INTS6: variants seen among roughly 807,000 people sequenced by gnomAD.
INTS6 encodes the protein integrator complex subunit 6.
Under a neutral mutation model 104.9 loss-of-function variants are expected in INTS6, and 16 were observed. The observed-to-expected ratio is 0.15, with a 90% CI of 0.10 to 0.23. The LOEUF (loss-of-function observed/expected upper bound fraction) is 0.23, where lower values mean the gene tolerates loss of function less well. Among genes scored for constraint, INTS6 ranks in the 10% least tolerant of loss-of-function variants. The pLI, the probability that INTS6 is intolerant of heterozygous loss-of-function variation, is 1.00. For synonymous variants in INTS6, 324 were observed against 358.7 expected (o/e 0.90, Z 1.09); for missense variants, 584 against 1,062.8 (o/e 0.55, Z 6.26).
chr13:51,429,920 C>T (rs1207645692), intron 4 of INTS6, among the ~76,000 whole-genome samples: 2 of 151,358 alleles, frequency 1.3e-5, no homozygotes, highest in African/African-American at 2.4e-5. Context: ...TTTCCACAGT[C>T]GCTGGACTGC....
chr13:51,396,145 G>C (rs1200389889), intron 4 of INTS6, among the ~76,000 whole-genome samples: 3 of 151,826 alleles, frequency 2.0e-5, no homozygotes. Flanking sequence ...AAAATGATTT[G>C]GCCTCCTGTG....
the INTS6 span, among the ~76,000 whole-genome samples, chr13:51,343,465 C>T: frequency 6.6e-6 from 1 of 152,176 alleles, no homozygotes; most frequent in Non-Finnish European, 1.5e-5. Context: ...AAAACAAAAT[C>T]CACTATTGAT....
intron 3 of INTS6, chr13:51,445,400 T>C (rs1952891669): frequency 6.6e-6 from 1 of 152,210 alleles, no homozygotes; most frequent in African/African-American, 2.4e-5. Flanking sequence ...CTTTGAAGAT[T>C]TTTATAATTT....
chr13:51,400,676 T>G (rs1189332217), intron 4 of INTS6, among the ~76,000 whole-genome samples: 1 of 152,190 alleles, frequency 6.6e-6, no homozygotes, highest in Non-Finnish European at 1.5e-5. Context: ...TGCAAAATGA[T>G]GCACAGAATA....
intron 4 of INTS6, among the ~76,000 whole-genome samples, chr13:51,414,794 G>C (rs571424531): frequency 1.3e-5 from 2 of 149,622 alleles, no homozygotes; most frequent in African/African-American, 4.9e-5. Context: ...ATTCATTTCC[G>C]TTTCTTCCTT....
chr13:51,379,021 T>C (rs977859613), intron 11 of INTS6, among the ~76,000 whole-genome samples: 1 of 152,000 alleles, frequency 6.6e-6, no homozygotes, highest in Non-Finnish European at 1.5e-5. Flanking sequence ...TTGACTACTA[T>C]AGTATTTATT....
chr13:51,396,603 T>A (rs542880664), intron 4 of INTS6, among the ~76,000 whole-genome samples: 2 of 152,258 alleles, frequency 1.3e-5, no homozygotes, highest in African/African-American at 2.4e-5. Flanking sequence ...CTATAAAGGA[T>A]TCTTACCAAA....
At chr13:51,336,657 G>T in the INTS6 span, among the ~76,000 whole-genome samples, 4 of 152,202 alleles carry the variant, frequency 2.6e-5, no homozygotes, top group Admixed American at 1.3e-4. Flanking sequence ...ATAGTCCAAA[G>T]AAGTTGATGC....
Position 51,452,206 on chromosome 13 carries a change from C to A in INTS6, c.112-151G>T. 2 of 698,220 alleles carry A rather than the reference C, an allele frequency of 2.9e-6. No individual in the cohort carries two copies. The highest frequency in any genetic ancestry group is 2.1e-6 in the Non-Finnish European group (1 of 477,334). 43.3% of individuals were successfully genotyped at this position (698,220 alleles called of 1,614,324 possible). ...CACGCCGTCCCCCACACACAGATCG[C>A]TCCCCACACACCGCCCGGGGCCGGA... On this transcript the variant is annotated intron_variant, in intron 1 of 17. Coordinates refer to ENST00000311234, the MANE Select transcript of INTS6 (RefSeq NM_012141.3). This position sits in a 1 kb window ranked among gnomAD's most constrained non-coding sequence, Gnocchi z 4.2.
downstream of INTS6, among the ~76,000 whole-genome samples, chr13:51,360,479 T>C (rs998795274): frequency 3.3e-5 from 5 of 152,104 alleles, no homozygotes; most frequent in Admixed American, 3.3e-4. Flanking sequence ...TTTCATTTTT[T>C]ACTGTGTCAT....
At chr13:51,444,610 G>T (rs1339351859) in intron 3 of INTS6, 1 of 151,884 alleles carries the variant, frequency 6.6e-6, no homozygotes, top group African/African-American at 2.4e-5. Context: ...TTAGCCGAGG[G>T]TGGTGGCGGG....
the INTS6 span, among the ~76,000 whole-genome samples, chr13:51,340,271 A>AT: frequency 3.3e-5 from 5 of 152,020 alleles, no homozygotes; most frequent in African/African-American, 1.2e-4. Flanking sequence ...CGTTGAAAAC[A>AT]TTTTTTTACT....
At chr13:51,449,920 G>A (rs1479392151) in intron 3 of INTS6, 7 of 984,884 alleles carry the variant, frequency 7.1e-6, no homozygotes, top group Non-Finnish European at 8.4e-6. Flanking sequence ...GAATTTCAGT[G>A]TACATTTTAA....
chr13:51,395,373 T>C lies in INTS6; in HGVS notation c.540A>G (p.Ser180=), dbSNP rs1956316586. The C allele has an allele frequency of 4.3e-6, 7 of 1,614,036 alleles. No individual in the cohort carries two copies. The highest frequency in any genetic ancestry group is 5.9e-6 in the Non-Finnish European group (7 of 1,179,940). ...ALVLRLPGTM[S]VESEQLTGVP... ...CACCTGTCAACTGTTCTGATTCTAC[T>C]GACATGGTGCCAGGCAACCGCAACA... Residue 180 remains serine, a synonymous_variant, in exon 5 of 18, where the codon TCA becomes TCG. Transcript: ENST00000311234.
intron 4 of INTS6, among the ~76,000 whole-genome samples, chr13:51,397,122 G>GC (rs1178119635): frequency 6.6e-6 from 1 of 151,882 alleles, no homozygotes; most frequent in Non-Finnish European, 1.5e-5. Context: ...TCTTCACAAA[G>GC]CAAGACCTAA....
At chr13:51,341,159 G>A in the INTS6 span, 30 of 1,613,858 alleles carry the variant, frequency 1.9e-5, no homozygotes, top group South Asian at 4.4e-5. Flanking sequence ...GGCCACCTCC[G>A]TGAAGGAATG....
chr13:51,356,059 G>C (rs1353359308), intron 3 of INTS6, among the ~76,000 whole-genome samples: 1 of 152,116 alleles, frequency 6.6e-6, no homozygotes, highest in African/African-American at 2.4e-5. Context: ...GAGAAGTCTT[G>C]GTTTGGGCTT....
At chr13:51,451,370 T>C in intron 2 of INTS6, 196 bp from the exon 3 acceptor site, 1 of 390,684 alleles carries the variant, frequency 2.6e-6, no homozygotes, top group Non-Finnish European at 4.5e-6. Flanking sequence ...CTCTCTAGGT[T>C]TTGGTAGTTA....
chr13:51,452,996 G>A lies in INTS6; in HGVS notation c.-471C>T, dbSNP rs929855688. ...GTTTCAGGGACTCCCTCCGCACCCC[G>A]GCGGTGTCACCACTTTCTCAGCCCC... On this transcript the variant is annotated 5_prime_UTR_variant, in exon 1 of 18. Coordinates refer to ENST00000311234, the MANE Select transcript of INTS6 (RefSeq NM_012141.3). This position sits in a 1 kb window ranked among gnomAD's most constrained non-coding sequence, Gnocchi z 4.2. 29 of 1,004,174 alleles carry A rather than the reference G, an allele frequency of 2.9e-5. No individual in the cohort carries two copies. Among genetic ancestry groups the A allele is most frequent in the East Asian group, 1.1e-4 (1 of 8,862 alleles). 62.2% of individuals were successfully genotyped at this position (1,004,174 alleles called of 1,614,324 possible).
Sources: gnomAD v4.1 joint callset for allele counts (sites outside exome capture counted in the v4.1 genomes callset) on GRCh38, gnomAD v4.1.1 for gene constraint, Gnocchi (gnomAD v3.1) non-coding constraint, MANE v1.5 for transcripts, NCBI Gene and HGNC (gene_info 2026-07-23, HGNC 2026-07-21) for gene names.